CNTNAP2: variants seen among roughly 807,000 people sequenced by gnomAD.
The protein encoded by CNTNAP2 is contactin associated protein 2.
Under a neutral mutation model 155.2 loss-of-function variants are expected in CNTNAP2, and 98 were observed. That is an observed-to-expected ratio of 0.63 (90% CI 0.54 to 0.75). CNTNAP2 has a LOEUF of 0.75. Ranked by LOEUF, CNTNAP2 falls within the 30% of genes least tolerant of loss-of-function variation. The pLI, the probability that CNTNAP2 is intolerant of heterozygous loss-of-function variation, is 0.00. For missense variants in CNTNAP2, 1,727 were observed against 1,688.1 expected (o/e 1.02, Z -0.40); for synonymous variants, 651 against 631.2 (o/e 1.03, Z -0.47).
intron 1 of CNTNAP2, among the ~76,000 whole-genome samples, chr7:146,123,478 G>A (rs896999681): frequency 6.6e-6 from 1 of 152,130 alleles, no homozygotes; most frequent in Non-Finnish European, 1.5e-5. Flanking sequence ...CATACGCACT[G>A]TCAAAATTAC....
At chr7:147,033,547 T>C (rs566712613) in intron 3 of CNTNAP2, among the ~76,000 whole-genome samples, 103 of 152,118 alleles carry the variant, frequency 6.8e-4, no homozygotes, top group African/African-American at 2.5e-3. Context: ...TAACTACCAA[T>C]GGTAATAGAA....
chr7:146,709,353 C>T (rs1801022955), intron 1 of CNTNAP2, among the ~76,000 whole-genome samples: 1 of 152,138 alleles, frequency 6.6e-6, no homozygotes, highest in African/African-American at 2.4e-5. Context: ...TACAGCACCA[C>T]AATCCATGCT....
intron 3 of CNTNAP2, among the ~76,000 whole-genome samples, chr7:146,946,532 A>G (rs1460372113): frequency 6.6e-6 from 1 of 152,040 alleles, no homozygotes; most frequent in East Asian, 1.9e-4. Flanking sequence ...GGGAGGCTTA[A>G]TTTGGGGAAC....
At chr7:147,272,807 A>G (rs571431003) in intron 8 of CNTNAP2, among the ~76,000 whole-genome samples, 39 of 152,030 alleles carry the variant, frequency 2.6e-4, no homozygotes, top group African/African-American at 9.4e-4. Flanking sequence ...GCGCCTGGCC[A>G]TGTATTCCAG....
intron 9 of CNTNAP2, among the ~76,000 whole-genome samples, chr7:147,340,401 A>G (rs1400597565): frequency 6.6e-6 from 1 of 152,168 alleles, no homozygotes; most frequent in Non-Finnish European, 1.5e-5. Flanking sequence ...AAGCTCTTCT[A>G]TAGATGATTT....
At chr7:147,082,486 G>T (rs1800155949) in intron 4 of CNTNAP2, 1 of 152,152 alleles carries the variant, frequency 6.6e-6, no homozygotes, top group Admixed American at 6.5e-5. Flanking sequence ...TCTGAGTTCT[G>T]TAGCCACGTA....
At chr7:146,376,776 G>A (rs1477789786) in intron 1 of CNTNAP2, among the ~76,000 whole-genome samples, 1 of 152,126 alleles carries the variant, frequency 6.6e-6, no homozygotes, top group Non-Finnish European at 1.5e-5. Context: ...GAGTGATTAT[G>A]TCATGAAGGC....
intron 1 of CNTNAP2, among the ~76,000 whole-genome samples, chr7:146,558,407 CT>C (rs1003095122): frequency 7.3e-5 from 11 of 151,046 alleles, no homozygotes; most frequent in Admixed American, 2.6e-4. Flanking sequence ...CTGGCATGTA[CT>C]TTTTTTTTAA....
At chr7:147,595,212 A>T (rs974384396) in intron 12 of CNTNAP2, among the ~76,000 whole-genome samples, 2 of 152,014 alleles carry the variant, frequency 1.3e-5, no homozygotes, top group African/African-American at 2.4e-5. Flanking sequence ...TTAATGTGTC[A>T]CTCTCCTCTA....
chr7:148,205,983 C>T (rs964930060), intron 18 of CNTNAP2, among the ~76,000 whole-genome samples: 1 of 151,616 alleles, frequency 6.6e-6, no homozygotes, highest in African/African-American at 2.4e-5. Flanking sequence ...TTGCAAAAGA[C>T]TTTCTACATG....
intron 3 of CNTNAP2, among the ~76,000 whole-genome samples, chr7:146,927,304 C>G (rs1279154267): frequency 6.6e-6 from 1 of 152,064 alleles, no homozygotes; most frequent in Non-Finnish European, 1.5e-5. Flanking sequence ...AAGTTGAAAA[C>G]TGTATTTGCT....
intron 15 of CNTNAP2, among the ~76,000 whole-genome samples, chr7:148,041,344 T>C (rs1802670835): frequency 6.6e-6 from 1 of 152,222 alleles, no homozygotes; most frequent in Non-Finnish European, 1.5e-5. Context: ...TTGACTGTCA[T>C]GTGCATGGAG....
intron 1 of CNTNAP2, among the ~76,000 whole-genome samples, chr7:146,682,597 T>C (rs562000446): frequency 3.5e-4 from 53 of 152,144 alleles, no homozygotes; most frequent in Middle Eastern, 3.4e-3. Flanking sequence ...AAGAGGTGAG[T>C]TCCCTTTTTC....
intron 21 of CNTNAP2, among the ~76,000 whole-genome samples, chr7:148,344,889 A>C (rs1798294555): frequency 6.6e-6 from 1 of 152,248 alleles, no homozygotes; most frequent in South Asian, 2.1e-4. Flanking sequence ...TCAAAAAATC[A>C]ATTACACAAA....
chr7:146,756,420 G>A (rs1450860477), intron 1 of CNTNAP2, among the ~76,000 whole-genome samples: 1 of 152,000 alleles, frequency 6.6e-6, no homozygotes, highest in East Asian at 1.9e-4. Flanking sequence ...ACTACTATAA[G>A]TACCCATATC....
chr7:147,108,345 A>C lies in CNTNAP2; in HGVS notation c.749A>C (p.Asn250Thr). The stretch of plus-strand genomic sequence containing the variant: ...AAAGCCAAGCTGGTCCTCAGTTTAA[A>C]CTTAGGTGTGTTCTGACTGTCAGTT... Reference protein sequence around the residue: ...LKKAKLVLSLNLGSNQLGPIY... With the variant: ...LKKAKLVLSLTLGSNQLGPIY... Residue 250 changes from asparagine to threonine, a missense_variant, in exon 5 of 24, where the codon AAC becomes ACC. Transcript: ENST00000361727. The C allele has an allele frequency of 6.2e-7, 1 of 1,612,998 alleles. No individual in the cohort carries two copies. The highest frequency in any genetic ancestry group is 8.5e-7 in the Non-Finnish European group (1 of 1,179,348).
intron 3 of CNTNAP2, among the ~76,000 whole-genome samples, chr7:146,860,364 T>G (rs982483607): frequency 6.6e-6 from 1 of 152,124 alleles, no homozygotes; most frequent in Admixed American, 6.6e-5. Context: ...GGAACATGTC[T>G]GTAGGTAAGA....
intron 13 of CNTNAP2, among the ~76,000 whole-genome samples, chr7:147,699,613 A>C (rs988889298): frequency 6.6e-6 from 1 of 152,052 alleles, no homozygotes; most frequent in Non-Finnish European, 1.5e-5. Context: ...TAAATAAATA[A>C]AAAGATGGCT....
Position 147,689,428 on chromosome 7 carries a change from C to T in CNTNAP2, c.2098+50122C>T, listed in dbSNP as rs549426317. 4.7e-4 allele frequency among the ~76,000 whole-genome samples: 72 copies of T among 152,212 alleles called. 3 individuals carry two copies. The South Asian group carries it at 0.012, about 26-fold the overall frequency. On this transcript the variant is annotated intron_variant, in intron 13 of 23. Coordinates refer to ENST00000361727, the MANE Select transcript of CNTNAP2 (RefSeq NM_014141.6). ...CCTCCCAAAGTGCTGGGATTACAGG[C>T]GTGAGCCACTATGCCCGGTCTCATA...
Sources: allele counts gnomAD v4.1 joint callset (sites outside exome capture counted in the v4.1 genomes callset), GRCh38; gene constraint gnomAD v4.1.1; transcripts MANE v1.5; gene names NCBI Gene and HGNC (gene_info 2026-07-23, HGNC 2026-07-21).